Variants in MGA observed in about 807,000 individuals in gnomAD.
MGA encodes MAX dimerization protein MGA, also known as MAX gene-associated protein.
Under a neutral mutation model 261.1 loss-of-function variants are expected in MGA, and 40 were observed. That is an observed-to-expected ratio of 0.15 (90% CI 0.12 to 0.20). The LOEUF (loss-of-function observed/expected upper bound fraction) is 0.20, where lower values mean the gene tolerates loss of function less well. Among genes scored for constraint, MGA ranks in the 10% least tolerant of loss-of-function variants. MGA has a pLI of 1.00. For synonymous variants in MGA, 1,302 were observed against 1,290.6 expected (o/e 1.01, Z -0.19); for missense variants, 3,397 against 3,630.5 (o/e 0.94, Z 1.65).
chr15:41,761,831 G>T lies in MGA; in HGVS notation c.7491G>T (p.Arg2497=), dbSNP rs1282748968. 1.3e-6 allele frequency: 2 copies of T among 1,580,340 alleles called. No individual in the cohort carries two copies. Among genetic ancestry groups the T allele is most frequent in the East Asian group, 2.3e-5 (1 of 44,024 alleles). Residue 2497 remains arginine (R), a synonymous_variant, in exon 21 of 24, where the codon CGG becomes CGT. Coordinates refer to ENST00000219905, the MANE Select transcript of MGA (RefSeq NM_001164273.2). The stretch of plus-strand genomic sequence containing the variant: ...CTCGAAAACGGAATATTCTGATACG[G>T]AAAGTATCGTCTCTTTCAGGTGAGA...
chr15:41,764,810 C>T, intron 22 of MGA, 76 bp from the exon 23 acceptor site: 2 of 1,458,888 alleles, frequency 1.4e-6, no homozygotes, highest in Non-Finnish European at 1.9e-6. Flanking sequence ...TCCCAAAGTG[C>T]TGGGATTACA....
At chr15:41,679,375 G>A (rs750082496) in intron 2 of MGA, among the ~76,000 whole-genome samples, 14 of 152,142 alleles carry the variant, frequency 9.2e-5, no homozygotes, top group Non-Finnish European at 2.1e-4. Flanking sequence ...GAAAAATCCC[G>A]TTGGGATTTT....
intron 1 of MGA, among the ~76,000 whole-genome samples, chr15:41,667,094 A>C (rs1335681537): frequency 6.6e-6 from 1 of 152,170 alleles, no homozygotes; most frequent in Non-Finnish European, 1.5e-5. Context: ...AAGTAAAAAA[A>C]CAGTATCTCA....
chr15:41,649,853 T>G (rs2057006183), intron 1 of MGA, among the ~76,000 whole-genome samples: 3 of 152,096 alleles, frequency 2.0e-5, no homozygotes, highest in African/African-American at 7.2e-5. Context: ...CTAATTTTTT[T>G]TATTTTTAGT....
upstream of MGA, among the ~76,000 whole-genome samples, chr15:41,656,382 C>CTCTCCTCTCT: frequency 1.1e-5 from 1 of 90,404 alleles, no homozygotes; most frequent in African/African-American, 3.3e-5. Flanking sequence ...CTCTCTCACA[C>CTCTCCTCTCT]CCAGGCTGGA....
chr15:41,742,960 C>A lies in MGA; in HGVS notation c.5000C>A (p.Thr1667Asn). Residue 1667 changes from threonine (T) to asparagine (N), a missense_variant, in exon 15 of 24, where the codon ACT becomes AAT. Physicochemically the swap from Thr to Asn is moderately conservative, Grantham distance 65 (BLOSUM62 0). Transcript: ENST00000219905. ...AACCTTACCAAAACCACTGGGATAACTACCCCTGTGGCTTCAGTTGCTTTT... is the reference window on the plus strand; with the variant it reads ...AACCTTACCAAAACCACTGGGATAAATACCCCTGTGGCTTCAGTTGCTTTT... The A allele has an allele frequency of 6.2e-7, 1 of 1,613,984 alleles. No individual in the cohort carries two copies. Among genetic ancestry groups the A allele is most frequent in the African/African-American group, 1.3e-5 (1 of 75,064 alleles).
At chr15:41,656,377 T>TCCCACA (rs1555403733), upstream of MGA, among the ~76,000 whole-genome samples, 1 of 68,276 alleles carries the variant, frequency 1.5e-5, no homozygotes, top group South Asian at 6.0e-4. Context: ...TCTCTCTCTC[T>TCCCACA]CACACCCAGG....
intron 1 of MGA, among the ~76,000 whole-genome samples, chr15:41,654,135 CTT>C: frequency 6.6e-6 from 1 of 152,240 alleles, no homozygotes; most frequent in East Asian, 1.9e-4. Flanking sequence ...GGCAAAGTGA[CTT>C]ATACTCCATC....
intron 2 of MGA, among the ~76,000 whole-genome samples, chr15:41,695,519 A>G (rs1421519946): frequency 1.3e-5 from 2 of 152,154 alleles, no homozygotes; most frequent in Non-Finnish European, 1.5e-5. Flanking sequence ...CTCAAGATAC[A>G]TTGGTACAGT....
In MGA at chr15:41,769,851, C is replaced by T. The variant is rs1454532672; in HGVS notation, c.*2571C>T. 2 of 152,462 alleles carry T rather than the reference C, an allele frequency of 1.3e-5. No individual in the cohort carries two copies. The highest frequency in any genetic ancestry group is 4.8e-5 in the African/African-American group (2 of 41,364). 9.4% of individuals were successfully genotyped at this position (152,462 alleles called of 1,614,324 possible). A position where few individuals can be genotyped will look rare whatever the true frequency, so the allele number is the denominator to read the frequency against. ...TTCCTTTTCTGCTTTCGAAAAGTGACTATTTTTTTAGAAATCTAAGAACAG... is the reference window on the plus strand; with the variant it reads ...TTCCTTTTCTGCTTTCGAAAAGTGATTATTTTTTTAGAAATCTAAGAACAG... On this transcript the variant is annotated 3_prime_UTR_variant, in exon 24 of 24. Coordinates refer to ENST00000219905, the MANE Select transcript of MGA (RefSeq NM_001164273.2).
intron 13 of MGA, among the ~76,000 whole-genome samples, chr15:41,739,467 T>C (rs912862110): frequency 1.3e-5 from 2 of 152,228 alleles, no homozygotes; most frequent in Non-Finnish European, 2.9e-5. Flanking sequence ...GAAGGATGCT[T>C]GAAAGGACCC....
intron 17 of MGA, among the ~76,000 whole-genome samples, chr15:41,752,561 T>G (rs904348178): frequency 5.4e-5 from 8 of 148,492 alleles, no homozygotes; most frequent in African/African-American, 1.5e-4. Context: ...TTTTTTTTTT[T>G]TTTTTTTTTT....
intron 1 of MGA, among the ~76,000 whole-genome samples, chr15:41,668,478 A>C (rs2057883287): frequency 6.6e-6 from 1 of 152,198 alleles, no homozygotes; most frequent in African/African-American, 2.4e-5. Context: ...AGGATGCTTT[A>C]AAAATGCATA....
intron 1 of MGA, among the ~76,000 whole-genome samples, chr15:41,635,820 A>C (rs2056691806): frequency 6.6e-6 from 1 of 152,202 alleles, no homozygotes; most frequent in Non-Finnish European, 1.5e-5. Context: ...GGAGCTGAAA[A>C]ATTTCTGTTG....
At chr15:41,656,343 CTT>C (rs2057177113), upstream of MGA, among the ~76,000 whole-genome samples, 1 of 37,598 alleles carries the variant, frequency 2.7e-5, no homozygotes, top group Non-Finnish European at 7.9e-5. Context: ...CCTCTCCTCT[CTT>C]CTCTCTCTCT....
chr15:41,730,622 C>T (rs529208812), intron 11 of MGA, among the ~76,000 whole-genome samples: 2 of 152,250 alleles, frequency 1.3e-5, no homozygotes, highest in Non-Finnish European at 2.9e-5. Context: ...GAAAAATGCC[C>T]TTCTATCTCA....
At position 41,734,822 on chromosome 15, in the gene MGA, A is replaced by T. The variant is rs1227343342; in HGVS notation, c.3916+228A>T. Among the ~76,000 whole-genome samples, 3 of 151,948 alleles carry T rather than the reference A, an allele frequency of 2.0e-5. No individual in the cohort carries two copies. In the South Asian group the frequency reaches 6.2e-4, roughly 31 times the overall value. ...GAAAATTCATTCATGTTGATAAAGC[A>T]TGTTGTTGCAAGAGACATTTAGGTT... On this transcript the variant is annotated intron_variant, in intron 12 of 23. Transcript: ENST00000219905.
chr15:41,762,688 C>G (rs1274830324), intron 22 of MGA, among the ~76,000 whole-genome samples: 2 of 151,948 alleles, frequency 1.3e-5, no homozygotes, highest in Non-Finnish European at 1.5e-5. Flanking sequence ...AGGCTAGTCT[C>G]AAACTCTTGA....
chr15:41,683,245 G>A (rs1013280340), intron 2 of MGA, among the ~76,000 whole-genome samples: 2 of 151,912 alleles, frequency 1.3e-5, no homozygotes, highest in Admixed American at 6.6e-5. Context: ...TTGAGACAGG[G>A]TTTTGCTTTG....
Sources: allele counts gnomAD v4.1 joint callset (sites outside exome capture counted in the v4.1 genomes callset), GRCh38; gene constraint gnomAD v4.1.1; transcripts MANE v1.5; gene names NCBI Gene and HGNC (gene_info 2026-07-23, HGNC 2026-07-21).